Variants in CDC14A observed in about 807,000 individuals in gnomAD.
CDC14A encodes dual specificity protein phosphatase CDC14A.
CDC14A carries 53 observed loss-of-function variants against 74.4 expected under a neutral mutation model. The ratio of observed to expected loss-of-function variants is 0.71; its 90% CI spans 0.57 to 0.89. The LOEUF (loss-of-function observed/expected upper bound fraction) is 0.89. Ranked by LOEUF, CDC14A falls within the 40% of genes least tolerant of loss-of-function variation. The pLI, the probability that CDC14A is intolerant of heterozygous loss-of-function variation, is 0.00. For synonymous variants in CDC14A, 247 were observed against 258.4 expected, an observed-to-expected ratio of 0.96 and a Z score of 0.43; for missense variants, 646 against 713.7, an observed-to-expected ratio of 0.91 and a Z score of 1.08.
chr1:100,518,176 G>T, intron 15 of CDC14A, 75 bp from the exon 16 acceptor site: 5 of 1,105,862 alleles, frequency 4.5e-6, no homozygotes, highest in Non-Finnish European at 6.9e-6. Context: ...TGTGTGGAAG[G>T]GAGAAGCTGC....
At chr1:100,421,967 A>C (rs1016791471) in intron 4 of CDC14A, among the ~76,000 whole-genome samples, 3 of 152,232 alleles carry the variant, frequency 2.0e-5, no homozygotes, top group African/African-American at 7.2e-5. Flanking sequence ...GCATTCATGC[A>C]GTAATGCACT....
chr1:100,439,959 C>G lies in CDC14A; in HGVS notation c.417C>G (p.Tyr139Ter), dbSNP rs771622183. ...FRDASFGNCTYNLTILDCLQG... is the reference protein window; with the variant it reads ...FRDASFGNCT ...ATGCTTCCTTTGGAAATTGCACTTACAATCTCACCATTCTCGACTGTTTGC... is the reference window on the plus strand; with the variant it reads ...ATGCTTCCTTTGGAAATTGCACTTAGAATCTCACCATTCTCGACTGTTTGC... The change falls in exon 6 of 16, where the codon TAC becomes TAG. Residue 139 changes from tyrosine to a stop codon, truncating the protein, a stop_gained. Coordinates refer to ENST00000336454, the MANE Select transcript of CDC14A (RefSeq NM_003672.4). LOFTEE classifies it high-confidence loss of function. 17 of 1,613,162 alleles carry G rather than the reference C, an allele frequency of 1.1e-5. No individual in the cohort carries two copies. Among genetic ancestry groups the G allele is most frequent in the Non-Finnish European group, 1.4e-5 (16 of 1,179,320 alleles).
intron 3 of CDC14A, among the ~76,000 whole-genome samples, chr1:100,380,734 CTTG>C (rs1253956747): frequency 6.6e-6 from 1 of 152,178 alleles, no homozygotes; most frequent in Non-Finnish European, 1.5e-5. Flanking sequence ...AGCTCTCACC[CTTG>C]TTGTTTTCCC....
chr1:100,354,104 G>A (rs752615878), intron 2 of CDC14A, among the ~76,000 whole-genome samples: 2 of 152,154 alleles, frequency 1.3e-5, no homozygotes, highest in East Asian at 3.9e-4. Context: ...AACAGCAACT[G>A]GAGATTCCTA....
intron 3 of CDC14A, among the ~76,000 whole-genome samples, chr1:100,382,492 C>T (rs956179868): frequency 4.6e-5 from 7 of 151,120 alleles, no homozygotes; most frequent in African/African-American, 1.5e-4. Context: ...CCCGCCTGAG[C>T]CTCCCAAAGT....
chr1:100,513,661 A>G (rs1027768288), intron 15 of CDC14A, among the ~76,000 whole-genome samples: 2 of 152,128 alleles, frequency 1.3e-5, no homozygotes, highest in Non-Finnish European at 2.9e-5. Context: ...CATCTGTACA[A>G]TATTTATATC....
chr1:100,511,976 G>A (rs1232854656), intron 15 of CDC14A, among the ~76,000 whole-genome samples: 1 of 152,060 alleles, frequency 6.6e-6, no homozygotes, highest in African/African-American at 2.4e-5. Context: ...CTGTCGGGCT[G>A]TGTGCCTCCC....
intron 5 of CDC14A, among the ~76,000 whole-genome samples, chr1:100,436,579 C>G (rs769311840): frequency 1.3e-5 from 2 of 152,040 alleles, no homozygotes; most frequent in African/African-American, 2.4e-5. Flanking sequence ...TACCTGCCAC[C>G]ATGCCTGGCT....
chr1:100,452,618 T>C (rs1390677630), intron 7 of CDC14A, among the ~76,000 whole-genome samples: 2 of 152,210 alleles, frequency 1.3e-5, no homozygotes, highest in African/African-American at 2.4e-5. Flanking sequence ...CTTTTGTAGA[T>C]TGGAGAATCC....
chr1:100,417,579 A>C (rs1057495115), intron 4 of CDC14A, among the ~76,000 whole-genome samples: 2 of 152,210 alleles, frequency 1.3e-5, no homozygotes, highest in Non-Finnish European at 2.9e-5. Flanking sequence ...AATACTTTCT[A>C]TAAGCAAATA....
intron 5 of CDC14A, among the ~76,000 whole-genome samples, chr1:100,425,513 T>A (rs1298724224): frequency 6.6e-6 from 1 of 152,126 alleles, no homozygotes. Context: ...GTCAAGGGAT[T>A]CTCATTCTGC....
At chr1:100,507,411 G>A (rs1649333073) in intron 15 of CDC14A, among the ~76,000 whole-genome samples, 1 of 151,662 alleles carries the variant, frequency 6.6e-6, no homozygotes. Flanking sequence ...GCATCAGTGT[G>A]TACTTTCAAT....
intron 11 of CDC14A, among the ~76,000 whole-genome samples, chr1:100,489,775 G>C (rs868721539): frequency 6.6e-6 from 1 of 152,080 alleles, no homozygotes; most frequent in Non-Finnish European, 1.5e-5. Flanking sequence ...AAGATAGGAG[G>C]GTCTTCCCTG....
intron 7 of CDC14A, 26 bp downstream of exon 7, chr1:100,443,022 A>G (rs757363232): frequency 1.4e-6 from 2 of 1,416,482 alleles, no homozygotes; most frequent in Admixed American, 1.7e-5. Context: ...TTTTTTTACA[A>G]AACATAATTT....
intron 10 of CDC14A, among the ~76,000 whole-genome samples, chr1:100,472,499 T>A (rs1416766665): frequency 6.6e-6 from 1 of 152,182 alleles, no homozygotes; most frequent in African/African-American, 2.4e-5. Context: ...GTCTGGTAAA[T>A]GTTTTTCAAG....
At chr1:100,357,983 AG>A (rs1652157736) in intron 2 of CDC14A, among the ~76,000 whole-genome samples, 1 of 152,176 alleles carries the variant, frequency 6.6e-6, no homozygotes, top group African/African-American at 2.4e-5. Flanking sequence ...TCATGAGGTA[AG>A]GCTATTAAAA....
At chr1:100,414,825 A>G (rs1424284744) in intron 4 of CDC14A, among the ~76,000 whole-genome samples, 1 of 152,090 alleles carries the variant, frequency 6.6e-6, no homozygotes, top group African/African-American at 2.4e-5. Flanking sequence ...AGACTAAGGG[A>G]CTGAGGTTAT....
At chr1:100,514,677 C>G (rs1294151201) in intron 15 of CDC14A, among the ~76,000 whole-genome samples, 8 of 152,154 alleles carry the variant, frequency 5.3e-5, no homozygotes, top group African/African-American at 1.4e-4. Context: ...GCCTCAGTTT[C>G]CTCATCTGTA....
intron 3 of CDC14A, among the ~76,000 whole-genome samples, chr1:100,390,406 A>G (rs571171484): frequency 1.3e-5 from 2 of 152,306 alleles, no homozygotes; most frequent in South Asian, 2.1e-4. Context: ...GTGTGAAGAG[A>G]CTTTCTGTAG....
Sources: allele counts gnomAD v4.1 joint callset (sites outside exome capture counted in the v4.1 genomes callset), GRCh38; gene constraint gnomAD v4.1.1; transcripts MANE v1.5; gene names NCBI Gene and HGNC (gene_info 2026-07-23, HGNC 2026-07-21).